Variants in ZFHX3 observed in about 807,000 individuals in gnomAD.
The protein encoded by ZFHX3 is zinc finger homeobox protein 3.
ZFHX3 carries 42 observed loss-of-function variants against 279.1 expected under a neutral mutation model. The observed-to-expected ratio is 0.15, with a 90% CI of 0.12 to 0.19. The LOEUF is 0.19. Among genes scored for constraint, ZFHX3 ranks in the 10% least tolerant of loss-of-function variants. The probability of loss-of-function intolerance (pLI) is 1.00; values close to 1 mark genes in which losing one functional copy is unlikely to be tolerated. For synonymous variants in ZFHX3, 2,293 were observed against 1,957.8 expected, an observed-to-expected ratio of 1.17 and a Z score of -4.52; for missense variants, 4,981 against 4,754.0, an observed-to-expected ratio of 1.05 and a Z score of -1.40.
intron 2 of ZFHX3, among the ~76,000 whole-genome samples, chr16:73,556,400 C>G (rs2020283418): frequency 1.3e-5 from 2 of 152,136 alleles, no homozygotes; most frequent in Non-Finnish European, 2.9e-5. Flanking sequence ...TGGTCAAGTT[C>G]TGATTCAAAA....
chr16:73,233,437 A>C (rs2012841323), intron 5 of ZFHX3, among the ~76,000 whole-genome samples: 1 of 152,204 alleles, frequency 6.6e-6, no homozygotes, highest in Admixed American at 6.5e-5. Context: ...GCAACCCTCA[A>C]ATGTACCTTC....
At position 73,368,400 on chromosome 16, in the gene ZFHX3, A is replaced by G. The variant is rs1254632385; in HGVS notation, c.-1290-50064T>C. ...CTTATGGTCTTTTCCTGTGCTTCCA[A>G]AGAGTGTGAATTCAGTTGCTGTGGT... On this transcript the variant is annotated intron_variant, in intron 3 of 17. Transcript: ENST00000641206. 2.0e-5 allele frequency among the ~76,000 whole-genome samples: 3 copies of G among 152,266 alleles called. No individual in the cohort carries two copies. The East Asian group carries it at 5.8e-4, about 29-fold the overall frequency.
Position 72,797,380 on chromosome 16 carries a change from G to C in ZFHX3, c.5302C>G (p.Gln1768Glu). Residue 1768 changes from glutamine (Q) to glutamate (E), a missense_variant, in exon 9 of 10, where the codon CAG becomes GAG. By Grantham distance (29) the Gln-to-Glu change is conservative. This residue lies in a region of ZFHX3 where 1,751 missense variants were observed against 1,770.0 expected (regional missense o/e 0.99). Coordinates refer to ENST00000268489, the MANE Select transcript of ZFHX3 (RefSeq NM_006885.4). ...AGGGTGGGGTTAAACAGCTGAGACT[G>C]GATCAGGGCAGCCTGTTGCTGCAGC... ...QELQQQAALI[Q>E]SQLFNPTLLP... 6.2e-7 allele frequency: 1 copy of C among 1,604,808 alleles called. No homozygotes were observed. The highest frequency in any genetic ancestry group is 2.2e-5 in the East Asian group (1 of 44,810).
chr16:73,048,379 C>A (rs1369665917), upstream of ZFHX3: 1 of 151,674 alleles, frequency 6.6e-6, no homozygotes, highest in Admixed American at 6.6e-5. Flanking sequence ...CGCGCGGGAC[C>A]CGGGCGCTCA....
chr16:73,054,390 G>A (rs1463165072), intron 1 of ZFHX3, among the ~76,000 whole-genome samples: 6 of 132,472 alleles, frequency 4.5e-5, no homozygotes, highest in South Asian at 2.5e-4. Flanking sequence ...ACTTTCTGAC[G>A]TGCAATCAAC....
Position 73,625,889 on chromosome 16 carries a change from A to G in ZFHX3, c.-1547+54291T>C, listed in dbSNP as rs138410088. The stretch of plus-strand genomic sequence containing the variant: ...TTTTTGTTTTTTGAGATGGAGTCTC[A>G]CTGTGTTGCCCAGGCTGGAGTTCAG... On this transcript the variant is annotated intron_variant, in intron 2 of 17. Coordinates refer to the ZFHX3 transcript ENST00000641206. 3.3e-3 allele frequency among the ~76,000 whole-genome samples: 499 copies of G among 152,188 alleles called. 4 individuals carry two copies. Among genetic ancestry groups the G allele is most frequent in the African/African-American group, 0.011 (471 of 41,522 alleles).
intron 4 of ZFHX3, among the ~76,000 whole-genome samples, chr16:72,853,385 T>C (rs1466575510): frequency 1.3e-5 from 2 of 152,228 alleles, no homozygotes; most frequent in Non-Finnish European, 2.9e-5. Context: ...AAAAGTACTT[T>C]TTAAACTAAT....
chr16:73,345,170 GAC>G (rs1295631589), intron 3 of ZFHX3, among the ~76,000 whole-genome samples: 2 of 152,074 alleles, frequency 1.3e-5, no homozygotes, highest in African/African-American at 4.8e-5. Flanking sequence ...TATCCAATTA[GAC>G]ACAGCTATTT....
intron 1 of ZFHX3, among the ~76,000 whole-genome samples, chr16:73,790,636 C>T (rs1959796265): frequency 6.6e-6 from 1 of 152,210 alleles, no homozygotes; most frequent in African/African-American, 2.4e-5. Context: ...CCCTTGAGTA[C>T]ACTTGAGTTC....
intron 3 of ZFHX3, among the ~76,000 whole-genome samples, chr16:73,365,776 C>T (rs1316619475): frequency 6.6e-6 from 1 of 152,222 alleles, no homozygotes; most frequent in African/African-American, 2.4e-5. Flanking sequence ...CCTCCTGATC[C>T]TGGAGCCACC....
intron 5 of ZFHX3, among the ~76,000 whole-genome samples, chr16:73,211,561 C>T (rs771163849): frequency 1.3e-5 from 2 of 152,092 alleles, no homozygotes; most frequent in Admixed American, 6.5e-5. Flanking sequence ...CTGCTAGATA[C>T]CAGTGAGGCT....
At chr16:73,187,302 C>T (rs1048279722) in intron 5 of ZFHX3, among the ~76,000 whole-genome samples, 2 of 151,890 alleles carry the variant, frequency 1.3e-5, no homozygotes, top group African/African-American at 4.8e-5. Flanking sequence ...CTCAAGCTGA[C>T]ATTTTCCTGT....
At chr16:73,586,728 G>T (rs2051931029) in intron 2 of ZFHX3, among the ~76,000 whole-genome samples, 1 of 152,108 alleles carries the variant, frequency 6.6e-6, no homozygotes, top group Non-Finnish European at 1.5e-5. Context: ...GCAGACAGAA[G>T]ATCAACAAAT....
Position 72,796,548 on chromosome 16 carries a change from GGAGGGGGA to G in ZFHX3, c.6126_6133del (p.Pro2043ThrfsTer110). 1 of 1,609,954 alleles carries G rather than the reference GGAGGGGGA, an allele frequency of 6.2e-7. No individual in the cohort carries two copies. Among genetic ancestry groups the G allele is most frequent in the African/African-American group, 1.3e-5 (1 of 74,328 alleles). Reference sequence around the variant, plus strand: ...TGCCGGAAGTGGGGGTGGAGGGGGTGGAGGGGGAGGTGGTGGTGGCTCTGGGGTCTGGG... The same window carrying G: ...TGCCGGAAGTGGGGGTGGAGGGGGTGGGTGGTGGTGGCTCTGGGGTCTGGG... On this transcript the variant is annotated frameshift_variant, in exon 9 of 10. Coordinates refer to ENST00000268489, the MANE Select transcript of ZFHX3 (RefSeq NM_006885.4). LOFTEE classifies it high-confidence loss of function.
chr16:72,933,469 G>A (rs1959932002), intron 3 of ZFHX3, among the ~76,000 whole-genome samples: 1 of 151,028 alleles, frequency 6.6e-6, no homozygotes, highest in African/African-American at 2.5e-5. Context: ...TCCAACCAAG[G>A]AGATGAGTTG....
At chr16:73,042,976 G>C (rs987306238) in intron 1 of ZFHX3, among the ~76,000 whole-genome samples, 2 of 151,832 alleles carry the variant, frequency 1.3e-5, no homozygotes, top group African/African-American at 4.8e-5. Context: ...TCCCAGCACC[G>C]GCCCATCTTC....
intron 2 of ZFHX3, among the ~76,000 whole-genome samples, chr16:73,562,440 AT>A (rs1171540216): frequency 6.6e-6 from 1 of 151,956 alleles, no homozygotes; most frequent in East Asian, 1.9e-4. Flanking sequence ...CTAAAAATAC[AT>A]AAAAATTAGC....
intron 3 of ZFHX3, among the ~76,000 whole-genome samples, chr16:73,359,391 A>G (rs1468721280): frequency 6.6e-6 from 1 of 152,126 alleles, no homozygotes; most frequent in Non-Finnish European, 1.5e-5. Flanking sequence ...GTACTGGGGG[A>G]AAATGACATC....
At chr16:73,251,622 C>A (rs146075216) in intron 5 of ZFHX3, among the ~76,000 whole-genome samples, 118 of 152,080 alleles carry the variant, frequency 7.8e-4, no homozygotes, top group African/African-American at 2.7e-3. Flanking sequence ...GCTGGATATT[C>A]CAAATGAAAA....
Sources: allele counts gnomAD v4.1 joint callset (sites outside exome capture counted in the v4.1 genomes callset), GRCh38; gene constraint gnomAD v4.1.1; regional missense constraint gnomAD v4.1.1; transcripts MANE v1.5; gene names NCBI Gene and HGNC (gene_info 2026-07-23, HGNC 2026-07-21).